Variants in MBD5 observed in about 807,000 individuals in gnomAD.
The protein encoded by MBD5 is methyl-CpG-binding domain protein 5.
Under a neutral mutation model 117.3 loss-of-function variants are expected in MBD5, and 13 were observed. The ratio of observed to expected loss-of-function variants is 0.11; its 90% CI spans 0.07 to 0.18. The LOEUF (loss-of-function observed/expected upper bound fraction) is 0.18, where lower values mean the gene tolerates loss of function less well. MBD5 is among the 10% of genes least tolerant of loss of function. MBD5 has a pLI of 1.00. For missense variants in MBD5, 1,879 were observed against 2,093.8 expected, an observed-to-expected ratio of 0.90 and a Z score of 2.00; for synonymous variants, 727 against 766.4, an observed-to-expected ratio of 0.95 and a Z score of 0.85.
At chr2:148,503,354 G>A (rs1428745077) in intron 12 of MBD5, among the ~76,000 whole-genome samples, 3 of 152,146 alleles carry the variant, frequency 2.0e-5, no homozygotes, top group Non-Finnish European at 2.9e-5. Flanking sequence ...ATGTGTATAT[G>A]TATTGTCGTC....
chr2:148,196,610 C>T (rs1698995061), intron 2 of MBD5, among the ~76,000 whole-genome samples: 1 of 152,124 alleles, frequency 6.6e-6, no homozygotes, highest in East Asian at 1.9e-4. Flanking sequence ...TCAGCAATAA[C>T]AGTATGACTT....
chr2:148,068,926 G>A (rs1695278820), intron 1 of MBD5, among the ~76,000 whole-genome samples: 1 of 152,094 alleles, frequency 6.6e-6, no homozygotes, highest in Non-Finnish European at 1.5e-5. Context: ...TTTAAGTAAT[G>A]CATTATAACC....
chr2:148,361,393 G>A (rs985796423), intron 4 of MBD5, among the ~76,000 whole-genome samples: 1 of 151,996 alleles, frequency 6.6e-6, no homozygotes, highest in African/African-American at 2.4e-5. Flanking sequence ...TGGATTTACA[G>A]ATTTCTTTTC....
At chr2:148,148,863 T>C in intron 1 of MBD5, among the ~76,000 whole-genome samples, 1 of 152,162 alleles carries the variant, frequency 6.6e-6, no homozygotes. Flanking sequence ...TTTCTCTCTA[T>C]ATGCCCTTGT....
chr2:148,229,056 A>G (rs1239345269), intron 2 of MBD5, among the ~76,000 whole-genome samples: 1 of 151,822 alleles, frequency 6.6e-6, no homozygotes, highest in African/African-American at 2.4e-5. Context: ...TTTTCAAAAA[A>G]CCAGCTCCTG....
At chr2:148,176,472 T>G (rs981879545) in intron 1 of MBD5, among the ~76,000 whole-genome samples, 2 of 151,862 alleles carry the variant, frequency 1.3e-5, no homozygotes, top group East Asian at 3.9e-4. Flanking sequence ...TGGCATAATC[T>G]CAGCTCACCG....
chr2:148,176,830 G>A (rs1043980762), intron 1 of MBD5, among the ~76,000 whole-genome samples: 1 of 150,202 alleles, frequency 6.7e-6, no homozygotes, highest in Admixed American at 6.7e-5. Context: ...AGAAAATTAA[G>A]CTAGGAGTGC....
intron 9 of MBD5, 173 bp from the exon 10 acceptor site, chr2:148,485,569 A>G: frequency 1.6e-6 from 1 of 611,862 alleles, no homozygotes; most frequent in Non-Finnish European, 2.9e-6. Flanking sequence ...AAACTAAATA[A>G]TAAAGCTACT....
At chr2:148,038,252 A>G (rs571763302) in intron 1 of MBD5, among the ~76,000 whole-genome samples, 1 of 151,972 alleles carries the variant, frequency 6.6e-6, no homozygotes, top group South Asian at 2.1e-4. Context: ...CATTTTTAAA[A>G]CTTCTTTTAT....
intron 3 of MBD5, among the ~76,000 whole-genome samples, chr2:148,249,295 G>C (rs1700412212): frequency 6.6e-6 from 1 of 152,050 alleles, no homozygotes. Context: ...GTCTTAATCT[G>C]ACTTTGCTTT....
intron 3 of MBD5, chr2:148,295,892 G>A (rs1278902776): frequency 6.1e-6 from 1 of 163,084 alleles, no homozygotes; most frequent in Non-Finnish European, 1.3e-5. Flanking sequence ...AATATTTTCA[G>A]ATGTAGAGCT....
chr2:148,152,164 A>G (rs941157936), intron 1 of MBD5, among the ~76,000 whole-genome samples: 1 of 151,962 alleles, frequency 6.6e-6, no homozygotes, highest in Non-Finnish European at 1.5e-5. Context: ...TGGTTTCAAA[A>G]ACATCTTTAT....
intron 3 of MBD5, among the ~76,000 whole-genome samples, chr2:148,324,160 T>C (rs75417680): frequency 0.56 from 85,684 of 151,782 alleles, 24,612 homozygotes; most frequent in Admixed American, 0.68. Context: ...TGTAGATATG[T>C]GGCGTTATTT....
chr2:148,447,979 T>C (rs779640753), intron 4 of MBD5, among the ~76,000 whole-genome samples: 2 of 152,066 alleles, frequency 1.3e-5, no homozygotes, highest in Non-Finnish European at 2.9e-5. Flanking sequence ...ATGCCTCATT[T>C]GGTTATACTG....
intron 4 of MBD5, among the ~76,000 whole-genome samples, chr2:148,424,475 C>G (rs192581019): frequency 2.0e-5 from 3 of 151,994 alleles, no homozygotes; most frequent in African/African-American, 7.2e-5. Flanking sequence ...GACAGACCAA[C>G]GAGACAGAAA....
chr2:148,150,638 C>T (rs1229883761), intron 1 of MBD5, among the ~76,000 whole-genome samples: 2 of 151,660 alleles, frequency 1.3e-5, no homozygotes, highest in Non-Finnish European at 2.9e-5. Flanking sequence ...TTGTAGTTCT[C>T]CTTGAAGAGG....
intron 1 of MBD5, among the ~76,000 whole-genome samples, chr2:148,157,047 G>A (rs762216567): frequency 9.2e-5 from 14 of 152,058 alleles, no homozygotes; most frequent in Non-Finnish European, 1.6e-4. Context: ...CAGTCACATA[G>A]CAATATGGTC....
intron 4 of MBD5, among the ~76,000 whole-genome samples, chr2:148,457,272 A>G (rs562800789): frequency 3.3e-5 from 5 of 152,136 alleles, no homozygotes; most frequent in Admixed American, 6.6e-5. Context: ...CACAAGTCCC[A>G]TTCATTCAAC....
At chr2:148,338,766 G>A (rs550029702) in intron 3 of MBD5, among the ~76,000 whole-genome samples, 2 of 152,298 alleles carry the variant, frequency 1.3e-5, no homozygotes, top group Admixed American at 1.3e-4. Flanking sequence ...ACAGGAACAG[G>A]CCTTTGTATG....
Sources: gnomAD v4.1 joint callset for allele counts (sites outside exome capture counted in the v4.1 genomes callset) on GRCh38, gnomAD v4.1.1 for gene constraint, MANE v1.5 for transcripts, NCBI Gene and HGNC (gene_info 2026-07-23, HGNC 2026-07-21) for gene names.